CRYBG1: variants seen among roughly 807,000 people sequenced by gnomAD.
CRYBG1 encodes the protein crystallin beta-gamma domain containing 1, also known as beta/gamma crystallin domain-containing protein 1.
Under a neutral mutation model 189.2 loss-of-function variants are expected in CRYBG1, and 139 were observed. The ratio of observed to expected loss-of-function variants is 0.73; its 90% CI spans 0.64 to 0.85. The LOEUF (loss-of-function observed/expected upper bound fraction) is 0.85, where lower values mean the gene tolerates loss of function less well. Ranked by LOEUF, CRYBG1 falls within the 40% of genes least tolerant of loss-of-function variation. The probability of loss-of-function intolerance (pLI) is 0.00; values close to 1 mark genes in which losing one functional copy is unlikely to be tolerated. For missense variants in CRYBG1, 2,611 were observed against 2,675.8 expected (o/e 0.98, Z 0.53); for synonymous variants, 1,023 against 1,017.1 (o/e 1.01, Z -0.11).
At chr6:106,447,293 C>A (rs993791464) in intron 1 of CRYBG1, among the ~76,000 whole-genome samples, 4 of 152,084 alleles carry the variant, frequency 2.6e-5, no homozygotes, top group Non-Finnish European at 5.9e-5. Context: ...ACCACCTACA[C>A]CCTACTCATC....
chr6:106,456,876 A>G (rs1771899212), intron 2 of CRYBG1, among the ~76,000 whole-genome samples: 2 of 152,136 alleles, frequency 1.3e-5, no homozygotes, highest in Admixed American at 1.3e-4. Flanking sequence ...CCCCTGGGCC[A>G]TATCTTGTGA....
chr6:106,459,288 AT>A (rs1301993941), intron 2 of CRYBG1, among the ~76,000 whole-genome samples: 13 of 152,124 alleles, frequency 8.5e-5, no homozygotes, highest in African/African-American at 3.1e-4. Flanking sequence ...CAGCCAGTCC[AT>A]TTCCTGTATT....
intron 2 of CRYBG1, among the ~76,000 whole-genome samples, chr6:106,474,491 G>A (rs1046539782): frequency 3.9e-5 from 6 of 152,136 alleles, no homozygotes. Flanking sequence ...AGTCATAAAG[G>A]TTTTACTTTT....
At chr6:106,551,042 G>T (rs1774392154) in intron 13 of CRYBG1, among the ~76,000 whole-genome samples, 2 of 152,226 alleles carry the variant, frequency 1.3e-5, no homozygotes, top group East Asian at 1.9e-4. Context: ...TGTTACATGG[G>T]TATATTGCAT....
chr6:106,526,279 T>C (rs1466009889), intron 6 of CRYBG1, among the ~76,000 whole-genome samples: 2 of 152,200 alleles, frequency 1.3e-5, no homozygotes, highest in Non-Finnish European at 2.9e-5. Context: ...TCCAACATAG[T>C]CATGAGAAAA....
chr6:106,383,647 G>A (rs1193146929), intron 1 of CRYBG1, among the ~76,000 whole-genome samples: 2 of 152,150 alleles, frequency 1.3e-5, no homozygotes, highest in Non-Finnish European at 2.9e-5. Flanking sequence ...AAAAAGTGCT[G>A]GTATGAACAG....
At chr6:106,518,975 G>GCACACACACA (rs377748036) in intron 3 of CRYBG1, among the ~76,000 whole-genome samples, 156 bp from the exon 4 acceptor site, 7,052 of 134,212 alleles carry the variant, frequency 0.053, 244 homozygotes, top group East Asian at 0.15. Context: ...ACATGTGTGC[G>GCACACACACA]CACACACACA....
chr6:106,546,102 C>T (rs1201069958), intron 13 of CRYBG1, among the ~76,000 whole-genome samples: 6 of 152,250 alleles, frequency 3.9e-5, no homozygotes, highest in Admixed American at 3.3e-4. Flanking sequence ...CAGAGACGGC[C>T]ATGTCTGGGC....
chr6:106,362,265 G>A (rs751402607), intron 1 of CRYBG1, among the ~76,000 whole-genome samples: 1 of 151,844 alleles, frequency 6.6e-6, no homozygotes, highest in Non-Finnish European at 1.5e-5. Context: ...CACCGCGCCC[G>A]GCCTCTCCTT....
chr6:106,517,335 TATATATACAC>T (rs1562098959), intron 3 of CRYBG1, among the ~76,000 whole-genome samples: 7 of 116,060 alleles, frequency 6.0e-5, no homozygotes, highest in South Asian at 3.0e-4. Flanking sequence ...TATACACATA[TATATATACAC>T]ACACATATAT....
At chr6:106,373,391 G>A (rs1770082116) in intron 1 of CRYBG1, among the ~76,000 whole-genome samples, 2 of 152,152 alleles carry the variant, frequency 1.3e-5, no homozygotes, top group South Asian at 4.1e-4. Context: ...AAATGTTGAG[G>A]ATTTTTCACT....
chr6:106,556,844 A>C (rs898175376), intron 17 of CRYBG1, among the ~76,000 whole-genome samples: 3 of 152,242 alleles, frequency 2.0e-5, no homozygotes, highest in Non-Finnish European at 2.9e-5. Context: ...AGTAACAAAG[A>C]AACATGAAAT....
intron 1 of CRYBG1, among the ~76,000 whole-genome samples, chr6:106,392,041 G>A (rs892863338): frequency 6.6e-6 from 1 of 152,146 alleles, no homozygotes; most frequent in Non-Finnish European, 1.5e-5. Flanking sequence ...GTGAGCAGCT[G>A]TGAGGATTCA....
chr6:106,389,732 T>C (rs1770464873), intron 1 of CRYBG1, among the ~76,000 whole-genome samples: 1 of 152,070 alleles, frequency 6.6e-6, no homozygotes, highest in African/African-American at 2.4e-5. Context: ...TGAGTCTTTT[T>C]CGGTAGTTGC....
intron 1 of CRYBG1, among the ~76,000 whole-genome samples, chr6:106,429,744 C>G (rs1469962341): frequency 6.6e-6 from 1 of 152,232 alleles, no homozygotes; most frequent in South Asian, 2.1e-4. Flanking sequence ...GTTTCCTCCT[C>G]TGCATAAAAT....
rs1255182929 is a variant in CRYBG1, at chr6:106,570,652, C to CA, written c.*2088dup. The stretch of plus-strand genomic sequence containing the variant: ...AACGAGGATGAGTGAGGTCCTGGCT[C>CA]AAGTATTTTACTCCCACTACCACCT... On this transcript the variant is annotated 3_prime_UTR_variant, in exon 22 of 22. Transcript: ENST00000633556. The CA allele has an allele frequency of 2.0e-5, 3 of 152,154 alleles. No individual in the cohort carries two copies. The highest frequency in any genetic ancestry group is 4.4e-5 in the Non-Finnish European group (3 of 68,024). The allele number at this position is 152,154 out of a possible 1,614,324, so 9.4% of individuals were successfully genotyped here. A position where few individuals can be genotyped will look rare whatever the true frequency, so the allele number is the denominator to read the frequency against.
intron 2 of CRYBG1, among the ~76,000 whole-genome samples, chr6:106,488,652 A>AG (rs1377795442): frequency 2.0e-5 from 3 of 152,006 alleles, no homozygotes; most frequent in Non-Finnish European, 4.4e-5. Flanking sequence ...ACTGTCAGGC[A>AG]GGGGGGTGGG....
In CRYBG1 at chr6:106,571,176, C is replaced by T. The variant is rs1464918828; in HGVS notation, c.*2610C>T. ...TAAAAAGTTAGAAACTCTGCTCTCA[C>T]CTTTCAATATTAAGAGCATAAACAA... is the stretch of plus-strand genomic sequence containing the variant. On this transcript the variant is annotated 3_prime_UTR_variant, in exon 22 of 22. Transcript: ENST00000633556. 3 of 152,154 alleles carry T rather than the reference C, an allele frequency of 2.0e-5. No homozygotes were observed. The highest frequency in any genetic ancestry group is 4.4e-5 in the Non-Finnish European group (3 of 68,028). The allele number at this position is 152,154 out of a possible 1,614,324, so 9.4% of individuals were successfully genotyped here. A position where few individuals can be genotyped will look rare whatever the true frequency, so the allele number is the denominator to read the frequency against.
rs371924449 is a variant in CRYBG1 at position 106,512,857 on chromosome 6, G to T, written c.1740G>T (p.Pro580=). Reference sequence around the variant, plus strand: ...CGGTCAAGAGCAGCTCGCTGCTGCCGGAGATCAAGCCCGAGCACAAGAGGG... The same window carrying T: ...CGGTCAAGAGCAGCTCGCTGCTGCCTGAGATCAAGCCCGAGCACAAGAGGG... ...ELPVKSSSLL[P]EIKPEHKRGP... The change falls in exon 3 of 22, where the codon CCG becomes CCT. Residue 580 remains proline (P), a synonymous_variant. Transcript: ENST00000633556. 1 of 1,587,288 alleles carries T rather than the reference G, an allele frequency of 6.3e-7. No homozygotes were observed. The highest frequency in any genetic ancestry group is 8.6e-7 in the Non-Finnish European group (1 of 1,167,184).
Sources: gnomAD v4.1 joint callset for allele counts (sites outside exome capture counted in the v4.1 genomes callset) on GRCh38, gnomAD v4.1.1 for gene constraint, MANE v1.5 for transcripts, NCBI Gene and HGNC (gene_info 2026-07-23, HGNC 2026-07-21) for gene names.